The following KIF18A variants were observed in gnomAD, a reference collection of about 807,000 sequenced individuals.
KIF18A encodes kinesin-like protein KIF18A.
A neutral mutation model predicts 103.3 loss-of-function variants in KIF18A; 67 were observed. The ratio of observed to expected loss-of-function variants is 0.65; its 90% CI spans 0.53 to 0.79. The LOEUF (loss-of-function observed/expected upper bound fraction) is 0.79. Ranked by LOEUF, KIF18A falls within the 30% of genes least tolerant of loss-of-function variation. The pLI, the probability that KIF18A is intolerant of heterozygous loss-of-function variation, is 0.00. For missense variants in KIF18A, 1,032 were observed against 1,062.5 expected, an observed-to-expected ratio of 0.97 and a Z score of 0.40; for synonymous variants, 367 against 355.5, an observed-to-expected ratio of 1.03 and a Z score of -0.36.
intron 11 of KIF18A, 72 bp from the exon 12 acceptor site, chr11:28,062,588 T>G: frequency 2.6e-6 from 3 of 1,170,712 alleles, no homozygotes; most frequent in Non-Finnish European, 2.3e-6. Flanking sequence ...TTAATAATTT[T>G]ATATTGTTGC....
At chr11:28,098,564 G>A (rs545704532) in intron 1 of KIF18A, among the ~76,000 whole-genome samples, 1 of 152,236 alleles carries the variant, frequency 6.6e-6, no homozygotes, top group Non-Finnish European at 1.5e-5. Flanking sequence ...GTTAAAAATA[G>A]TTCCAAGGAT....
chr11:28,027,418 T>C (rs1850335124), intron 15 of KIF18A, among the ~76,000 whole-genome samples: 2 of 151,834 alleles, frequency 1.3e-5, no homozygotes, highest in South Asian at 4.1e-4. Flanking sequence ...CGGCTTTTGG[T>C]TTGCAGTGCT....
At chr11:28,102,206 C>T (rs943049946) in intron 1 of KIF18A, among the ~76,000 whole-genome samples, 2 of 152,148 alleles carry the variant, frequency 1.3e-5, no homozygotes, top group Admixed American at 1.3e-4. Flanking sequence ...CATTTTACAA[C>T]CTGCTCTCTC....
intron 3 of KIF18A, among the ~76,000 whole-genome samples, chr11:28,094,146 G>A (rs1851337019): frequency 6.6e-6 from 1 of 152,006 alleles, no homozygotes. Context: ...AAAAATTACA[G>A]ATTAAGGAGA....
chr11:28,094,530 G>A (rs1851343458), intron 3 of KIF18A, 113 bp downstream of exon 3: 3 of 823,226 alleles, frequency 3.6e-6, no homozygotes, highest in Non-Finnish European at 1.9e-6. Flanking sequence ...TCAAGACAAG[G>A]AATTTTAATG....
chr11:28,063,084 T>G (rs1263321916), intron 11 of KIF18A, among the ~76,000 whole-genome samples: 1 of 152,084 alleles, frequency 6.6e-6, no homozygotes, highest in Non-Finnish European at 1.5e-5. Context: ...TGTTTTTGCA[T>G]GAAACAAAAG....
At chr11:28,088,392 A>C in intron 6 of KIF18A, 132 bp downstream of exon 6, 1 of 711,564 alleles carries the variant, frequency 1.4e-6, no homozygotes, top group Non-Finnish European at 2.3e-6. Context: ...TTTGATCTAT[A>C]TATTAACATT....
intron 6 of KIF18A, among the ~76,000 whole-genome samples, chr11:28,087,956 T>C (rs1425069074): frequency 6.6e-6 from 1 of 152,196 alleles, no homozygotes; most frequent in Non-Finnish European, 1.5e-5. Flanking sequence ...TGTTGTGAAA[T>C]ACACTGTGTT....
At chr11:28,063,495 A>G (rs1850881099) in intron 11 of KIF18A, among the ~76,000 whole-genome samples, 1 of 151,934 alleles carries the variant, frequency 6.6e-6, no homozygotes, top group African/African-American at 2.4e-5. Context: ...GTTTTTTTGC[A>G]GGCTCCATTT....
chr11:28,099,029 T>C (rs1049042056), intron 1 of KIF18A, among the ~76,000 whole-genome samples: 1 of 152,156 alleles, frequency 6.6e-6, no homozygotes, highest in East Asian at 1.9e-4. Flanking sequence ...AAGAGATATT[T>C]GCCCTGCCAT....
intron 13 of KIF18A, among the ~76,000 whole-genome samples, chr11:28,052,011 G>T (rs1035835828): frequency 1.3e-5 from 2 of 152,052 alleles, no homozygotes; most frequent in African/African-American, 4.8e-5. Flanking sequence ...TTTAGATTCA[G>T]TCTTAAGCAT....
intron 11 of KIF18A, among the ~76,000 whole-genome samples, chr11:28,068,594 C>T (rs1850968552): frequency 6.6e-6 from 1 of 151,990 alleles, no homozygotes; most frequent in East Asian, 1.9e-4. Flanking sequence ...CTTTGCTCTC[C>T]TGATATAGAC....
chr11:28,088,773 A>C (rs1243127773), intron 5 of KIF18A, 52 bp from the exon 6 acceptor site: 2 of 1,398,332 alleles, frequency 1.4e-6, no homozygotes, highest in African/African-American at 1.4e-5. Flanking sequence ...TAACAAAATT[A>C]AAAGGGAAAT....
chr11:28,093,482 A>C (rs1851329322), intron 3 of KIF18A, among the ~76,000 whole-genome samples: 1 of 152,152 alleles, frequency 6.6e-6, no homozygotes, highest in Non-Finnish European at 1.5e-5. Context: ...CTGGTTTCTG[A>C]AACACTATTT....
intron 7 of KIF18A, among the ~76,000 whole-genome samples, chr11:28,083,890 G>A (rs1851196000): frequency 6.6e-6 from 1 of 151,956 alleles, no homozygotes; most frequent in African/African-American, 2.4e-5. Flanking sequence ...TTTTTCTTAA[G>A]ATGACAATAA....
rs1453456786 is a variant in KIF18A, at chr11:28,023,755, T to C, written c.2600A>G (p.Asn867Ser). 11 of 1,605,628 alleles carry C rather than the reference T, an allele frequency of 6.9e-6. No homozygotes were observed. The highest frequency in any genetic ancestry group is 6.7e-5 in the Admixed American group (4 of 59,888). The change falls in exon 16 of 17, where the codon AAC (asparagine) becomes AGC (serine). Residue 867 changes from asparagine to serine, a missense_variant. Asn to Ser is a conservative substitution (Grantham distance 46, BLOSUM62 1). Transcript: ENST00000263181. ...DNSSEKHLQE[N>S]KPTMEHKRNI... is the part of the protein sequence containing the mutation. ...CTGAGACATACCCATTGTTGGTTTG[T>C]TTTCTTGTAAGTGCTTCTCACTTGA... is the stretch of plus-strand genomic sequence containing the variant.
intron 12 of KIF18A, among the ~76,000 whole-genome samples, chr11:28,059,492 G>C (rs1171373392): frequency 6.6e-6 from 1 of 152,058 alleles, no homozygotes; most frequent in Admixed American, 6.6e-5. Context: ...GGAGTGTAGT[G>C]GCATGATCAT....
At chr11:28,090,500 C>G in intron 5 of KIF18A, 117 bp downstream of exon 5, 1 of 597,618 alleles carries the variant, frequency 1.7e-6, no homozygotes. Context: ...AAGGAAAGTA[C>G]TGACAAGTGA....
At chr11:28,040,994 C>A (rs1850551735) in intron 13 of KIF18A, among the ~76,000 whole-genome samples, 2 of 151,632 alleles carry the variant, frequency 1.3e-5, no homozygotes. Context: ...TATTTTGAAT[C>A]CAGGATCAAC....
Sources: allele counts gnomAD v4.1 joint callset (sites outside exome capture counted in the v4.1 genomes callset), GRCh38; gene constraint gnomAD v4.1.1; transcripts MANE v1.5; gene names NCBI Gene and HGNC (gene_info 2026-07-23, HGNC 2026-07-21).